C20orf203: variants seen among roughly 807,000 people sequenced by gnomAD.
The protein encoded by C20orf203 is uncharacterized protein C20orf203.
A neutral mutation model predicts 15.9 loss-of-function variants in C20orf203; 16 were observed. The observed-to-expected ratio is 1.01, with a 90% CI of 0.68 to 1.53. The LOEUF (loss-of-function observed/expected upper bound fraction) is 1.53, where lower values mean the gene tolerates loss of function less well. C20orf203 is among the 40% of genes most tolerant of loss of function. The pLI, the probability that C20orf203 is intolerant of heterozygous loss-of-function variation, is 0.00. For synonymous variants in C20orf203, 98 were observed against 97.2 expected (o/e 1.01, Z -0.05); for missense variants, 263 against 247.5 (o/e 1.06, Z -0.42).
Position 32,651,045 on chromosome 20 carries a change from G to A in C20orf203, c.108C>T (p.Pro36=). The A allele has an allele frequency of 6.6e-7, 1 of 1,515,500 alleles. No homozygotes were observed. The highest frequency in any genetic ancestry group is 8.9e-7 in the Non-Finnish European group (1 of 1,129,046). The allele number at this position is 1,515,500 out of a possible 1,614,324, so 93.9% of individuals were successfully genotyped here. Residue 36 remains proline, a synonymous_variant, in exon 3 of 6, where the codon CCC becomes CCT. Transcript: ENST00000608990. ...GGCTCAGCATTCCAGTTTTTGTAAAGGGAAAACTGGCCAGGCGAGGTGGCC... is the reference window on the plus strand; with the variant it reads ...GGCTCAGCATTCCAGTTTTTGTAAAAGGAAAACTGGCCAGGCGAGGTGGCC... ...RQWPPRLASF[P]FTKTGMLSRA...
intron 1 of C20orf203, among the ~76,000 whole-genome samples, chr20:32,669,457 T>C (rs1983111638): frequency 6.6e-6 from 1 of 152,182 alleles, no homozygotes; most frequent in South Asian, 2.1e-4. Context: ...GTCACTATAA[T>C]AAAGTCATGA....
intron 4 of C20orf203, among the ~76,000 whole-genome samples, chr20:32,641,535 A>C (rs1436994515): frequency 6.6e-6 from 1 of 152,190 alleles, no homozygotes; most frequent in Non-Finnish European, 1.5e-5. Flanking sequence ...ACTTTTGAGA[A>C]TGTGCCAGAC....
intron 1 of C20orf203, among the ~76,000 whole-genome samples, 184 bp downstream of exon 1, chr20:32,673,448 C>G: frequency 6.6e-6 from 1 of 152,178 alleles, no homozygotes; most frequent in East Asian, 1.9e-4. Context: ...GGAGCCTCAC[C>G]GCAGCCCCGT....
chr20:32,666,799 A>T (rs8114573), intron 1 of C20orf203, among the ~76,000 whole-genome samples: 894 of 66,626 alleles, frequency 0.013, 54 homozygotes, highest in Non-Finnish European at 0.024. Context: ...ATTTTAATTT[A>T]TATATATATA....
intron 1 of C20orf203, among the ~76,000 whole-genome samples, chr20:32,669,904 T>C (rs544418562): frequency 6.6e-6 from 1 of 152,290 alleles, no homozygotes; most frequent in South Asian, 2.1e-4. Flanking sequence ...ATATATGTAA[T>C]AAGAAGTTAA....
At chr20:32,654,516 A>C (rs1982710291) in intron 1 of C20orf203, among the ~76,000 whole-genome samples, 1 of 152,178 alleles carries the variant, frequency 6.6e-6, no homozygotes. Flanking sequence ...TGGAAATTTA[A>C]GGGACTCAGA....
At chr20:32,658,266 A>G (rs888071720) in intron 1 of C20orf203, among the ~76,000 whole-genome samples, 5 of 152,138 alleles carry the variant, frequency 3.3e-5, no homozygotes, top group Non-Finnish European at 5.9e-5. Context: ...CTGTATCTAT[A>G]TGTGTATAAC....
At chr20:32,657,970 TAA>T (rs112570622) in intron 1 of C20orf203, 38 of 127,858 alleles carry the variant, frequency 3.0e-4, no homozygotes, top group South Asian at 5.0e-4. Context: ...CCCCCAAACC[TAA>T]AAAAAAAAAA....
At chr20:32,671,486 A>C (rs1235057646) in intron 1 of C20orf203, among the ~76,000 whole-genome samples, 1 of 152,214 alleles carries the variant, frequency 6.6e-6, no homozygotes, top group Non-Finnish European at 1.5e-5. Context: ...GAAGAAACAG[A>C]AAGTAGAAGA....
intron 1 of C20orf203, among the ~76,000 whole-genome samples, chr20:32,669,823 A>G (rs1248195888): frequency 6.6e-6 from 1 of 152,236 alleles, no homozygotes; most frequent in Non-Finnish European, 1.5e-5. Flanking sequence ...ATCAACCTAA[A>G]AAGCTTCTGC....
At chr20:32,641,072 G>A (rs75452300) in intron 4 of C20orf203, among the ~76,000 whole-genome samples, 14 of 152,096 alleles carry the variant, frequency 9.2e-5, no homozygotes, top group Admixed American at 3.3e-4. Flanking sequence ...TAATCCCAAC[G>A]CTTTGGGAGG....
chr20:32,635,704 G>A (rs1305911807), intron 5 of C20orf203, among the ~76,000 whole-genome samples: 1 of 151,982 alleles, frequency 6.6e-6, no homozygotes, highest in Admixed American at 6.5e-5. Context: ...CCAGCTACTC[G>A]GGAGGCTGAG....
At position 32,652,322 on chromosome 20, in the gene C20orf203, C is replaced by CAAAAAA. The variant is rs11483593; in HGVS notation, c.-263-347_-263-342dup. On this transcript the variant is annotated intron_variant, in intron 1 of 5. Transcript: ENST00000608990. ...TGGGCGACAGAGCAAGACTCCATCT[C>CAAAAAA]AAAAAAAAAAAAAAAAAAAAAAAAA... 1.1e-4 allele frequency among the ~76,000 whole-genome samples: 2 copies of CAAAAAA among 18,236 alleles called. 1 individual carries two copies. Among genetic ancestry groups the CAAAAAA allele is most frequent in the Non-Finnish European group, 2.2e-4 (2 of 9,210 alleles). 12.0% of individuals were successfully genotyped at this position (18,236 alleles called of 152,430 possible).
At chr20:32,672,133 A>C (rs921367523) in intron 1 of C20orf203, among the ~76,000 whole-genome samples, 1 of 151,958 alleles carries the variant, frequency 6.6e-6, no homozygotes, top group Non-Finnish European at 1.5e-5. Flanking sequence ...TGACCAACAC[A>C]GTGAAACCCC....
intron 1 of C20orf203, among the ~76,000 whole-genome samples, chr20:32,672,341 A>AAAAAT (rs747836211): frequency 1.5e-4 from 22 of 151,182 alleles, no homozygotes; most frequent in Non-Finnish European, 2.5e-4. Context: ...TCTGTCTCAA[A>AAAAAT]AAAATAAAAT....
At chr20:32,638,820 A>AG (rs929157960) in intron 5 of C20orf203, among the ~76,000 whole-genome samples, 6 of 152,156 alleles carry the variant, frequency 3.9e-5, no homozygotes, top group Non-Finnish European at 7.4e-5. Flanking sequence ...AGAAGCAGAA[A>AG]GGGGGGGCGG....
intron 5 of C20orf203, among the ~76,000 whole-genome samples, chr20:32,634,541 C>G (rs1369296244): frequency 6.6e-6 from 1 of 152,118 alleles, no homozygotes; most frequent in Non-Finnish European, 1.5e-5. Context: ...ACAAAACAAT[C>G]AGCAATGTGG....
intron 4 of C20orf203, among the ~76,000 whole-genome samples, chr20:32,646,980 T>C (rs1982450455): frequency 1.3e-5 from 2 of 152,310 alleles, no homozygotes; most frequent in South Asian, 4.1e-4. Flanking sequence ...CAGGAGGGTC[T>C]CTCCATCTAG....
chr20:32,655,609 A>G (rs1982736390), intron 1 of C20orf203, among the ~76,000 whole-genome samples: 2 of 152,240 alleles, frequency 1.3e-5, no homozygotes, highest in African/African-American at 4.8e-5. Flanking sequence ...CCTGGCCAAC[A>G]TGGAGAAACC....
Sources: gnomAD v4.1 joint callset for allele counts (sites outside exome capture counted in the v4.1 genomes callset) on GRCh38, gnomAD v4.1.1 for gene constraint, MANE v1.5 for transcripts, NCBI Gene and HGNC (gene_info 2026-07-23, HGNC 2026-07-21) for gene names.